Variants in GABRB1 observed in about 807,000 individuals in gnomAD.
GABRB1 encodes the protein gamma-aminobutyric acid receptor subunit beta-1.
GABRB1 carries 17 observed loss-of-function variants against 51.6 expected under a neutral mutation model. The observed-to-expected ratio is 0.33, with a 90% CI of 0.23 to 0.49. GABRB1 has a LOEUF of 0.49. Ranked by LOEUF, GABRB1 falls within the 20% of genes least tolerant of loss-of-function variation. The probability of loss-of-function intolerance (pLI) is 0.99; values close to 1 mark genes in which losing one functional copy is unlikely to be tolerated. For missense variants in GABRB1, 410 were observed against 600.6 expected, an observed-to-expected ratio of 0.68 and a Z score of 3.32; for synonymous variants, 247 against 218.9, an observed-to-expected ratio of 1.13 and a Z score of -1.14.
chr4:47,243,842 G>C (rs1488378140), intron 4 of GABRB1, among the ~76,000 whole-genome samples: 1 of 152,156 alleles, frequency 6.6e-6, no homozygotes. Context: ...GGGACAATTT[G>C]ACTTCCTCTT....
chr4:47,305,076 T>A (rs2109943566), intron 4 of GABRB1, among the ~76,000 whole-genome samples: 1 of 152,230 alleles, frequency 6.6e-6, no homozygotes, highest in South Asian at 2.1e-4. Flanking sequence ...GGCCCTAATC[T>A]GTTTGTATTC....
chr4:47,084,221 T>C (rs919273312), intron 3 of GABRB1, among the ~76,000 whole-genome samples: 1 of 152,182 alleles, frequency 6.6e-6, no homozygotes, highest in African/African-American at 2.4e-5. Flanking sequence ...ACTCCATTTC[T>C]ATTTCAGCCT....
Position 47,031,635 on chromosome 4 carries a change from T to C in GABRB1, c.-17T>C. 1 of 1,600,400 alleles carries C rather than the reference T, an allele frequency of 6.2e-7. No individual in the cohort carries two copies. The highest frequency in any genetic ancestry group is 8.6e-7 in the Non-Finnish European group (1 of 1,167,924). On this transcript the variant is annotated 5_prime_UTR_variant, in exon 1 of 9. Transcript: ENST00000295454. The stretch of plus-strand genomic sequence containing the variant: ...GAATCTTCGCAGAAAAGACAATTCT[T>C]TTAATCAGAGTTAGTAATGTGGACA...
chr4:47,000,140 T>C (rs969935071), intron 1 of GABRB1, among the ~76,000 whole-genome samples: 1 of 152,140 alleles, frequency 6.6e-6, no homozygotes, highest in Non-Finnish European at 1.5e-5. Flanking sequence ...CCACTTTCTC[T>C]CAATAATGAT....
intron 3 of GABRB1, among the ~76,000 whole-genome samples, chr4:47,053,268 A>T (rs1382578703): frequency 6.6e-6 from 1 of 152,204 alleles, no homozygotes; most frequent in Non-Finnish European, 1.5e-5. Context: ...CTCTGTGGCT[A>T]TAAACAACAA....
Position 47,375,848 on chromosome 4 carries a change from T to C in GABRB1, c.545-27470T>C, listed in dbSNP as rs571440487. Reference sequence around the variant, plus strand: ...TCGGCAGTATGTGCAGAAGAAAGAATCAAGGATAACTCCCAAAGGTGACTG... The same window carrying C: ...TCGGCAGTATGTGCAGAAGAAAGAACCAAGGATAACTCCCAAAGGTGACTG... On this transcript the variant is annotated intron_variant, in intron 5 of 8. Coordinates refer to ENST00000295454, the MANE Select transcript of GABRB1 (RefSeq NM_000812.4). Among the ~76,000 whole-genome samples, 9 of 152,190 alleles carry C rather than the reference T, an allele frequency of 5.9e-5. No individual in the cohort carries two copies. In the South Asian group the frequency reaches 1.9e-3, roughly 32 times the overall value.
intron 4 of GABRB1, among the ~76,000 whole-genome samples, chr4:47,241,141 G>T (rs1721503976): frequency 6.6e-6 from 1 of 151,908 alleles, no homozygotes; most frequent in African/African-American, 2.4e-5. Context: ...AGTTTTACAG[G>T]TTATTTTTCC....
chr4:47,301,219 A>G (rs1184625275), intron 4 of GABRB1, among the ~76,000 whole-genome samples: 1 of 152,198 alleles, frequency 6.6e-6, no homozygotes, highest in Non-Finnish European at 1.5e-5. Context: ...CTCTGGCAAC[A>G]TATTTTACCT....
chr4:47,297,799 C>T (rs1442505624), intron 4 of GABRB1, among the ~76,000 whole-genome samples: 1 of 152,088 alleles, frequency 6.6e-6, no homozygotes, highest in Non-Finnish European at 1.5e-5. Context: ...GGCAGAGACA[C>T]AACCAAAAAA....
At chr4:47,405,296 A>C (rs1172461604) in intron 7 of GABRB1, among the ~76,000 whole-genome samples, 1 of 152,310 alleles carries the variant, frequency 6.6e-6, no homozygotes, top group East Asian at 1.9e-4. Flanking sequence ...CTAAAAGTTG[A>C]ATAGTCAAAT....
intron 4 of GABRB1, among the ~76,000 whole-genome samples, chr4:47,315,955 G>GTCT (rs2109958237): frequency 1.3e-5 from 2 of 151,782 alleles, no homozygotes; most frequent in African/African-American, 4.8e-5. Context: ...TTACCTGGGT[G>GTCT]GTGAAATAGT....
chr4:47,032,517 G>T, intron 3 of GABRB1, 33 bp downstream of exon 3: 2 of 1,599,966 alleles, frequency 1.3e-6, no homozygotes. Context: ...CGGCGGTTCG[G>T]CTTACGCAGA....
At chr4:47,077,823 AT>A (rs1471852482) in intron 3 of GABRB1, among the ~76,000 whole-genome samples, 1 of 139,598 alleles carries the variant, frequency 7.2e-6, no homozygotes, top group African/African-American at 2.7e-5. Flanking sequence ...ATAAAAAAAT[AT>A]AATATATATT....
chr4:47,150,310 TCACACA>T (rs36066411), intron 3 of GABRB1, among the ~76,000 whole-genome samples: 79,762 of 138,296 alleles, frequency 0.58, 22,900 homozygotes, highest in Admixed American at 0.66. Flanking sequence ...TGAGAATCCA[TCACACA>T]CACACACACA....
chr4:47,390,797 A>C (rs1310505840), intron 5 of GABRB1, among the ~76,000 whole-genome samples: 1 of 152,170 alleles, frequency 6.6e-6, no homozygotes, highest in African/African-American at 2.4e-5. Context: ...TAACCTTTGA[A>C]ATAATAGTGT....
At chr4:47,311,273 G>A (rs1045782143) in intron 4 of GABRB1, among the ~76,000 whole-genome samples, 2 of 72,832 alleles carry the variant, frequency 2.7e-5, no homozygotes, top group Non-Finnish European at 6.4e-5. Context: ...AATACCAAGC[G>A]TGGTGTTTCA....
chr4:47,209,749 G>C (rs933743158), intron 4 of GABRB1, among the ~76,000 whole-genome samples: 1 of 151,020 alleles, frequency 6.6e-6, no homozygotes, highest in Non-Finnish European at 1.5e-5. Flanking sequence ...GGCATAGAAA[G>C]AAACCAGTAA....
chr4:47,170,402 C>T (rs564418414), intron 4 of GABRB1, among the ~76,000 whole-genome samples: 62 of 146,426 alleles, frequency 4.2e-4, no homozygotes, highest in African/African-American at 1.2e-3. Context: ...CACACACACA[C>T]GCACACACAC....
intron 4 of GABRB1, among the ~76,000 whole-genome samples, chr4:47,307,559 A>T (rs186424650): frequency 6.6e-6 from 1 of 152,130 alleles, no homozygotes; most frequent in East Asian, 1.9e-4. Context: ...TCTATAACTT[A>T]TACCTCCTTC....
Sources: allele counts gnomAD v4.1 joint callset (sites outside exome capture counted in the v4.1 genomes callset), GRCh38; gene constraint gnomAD v4.1.1; transcripts MANE v1.5; gene names NCBI Gene and HGNC (gene_info 2026-07-23, HGNC 2026-07-21).